Variants in PRR5L observed in about 807,000 individuals in gnomAD.
PRR5L encodes the protein proline-rich protein 5-like.
PRR5L carries 21 observed loss-of-function variants against 36.4 expected under a neutral mutation model. The ratio of observed to expected loss-of-function variants is 0.58; its 90% CI spans 0.41 to 0.83. The LOEUF (loss-of-function observed/expected upper bound fraction) is 0.83. Ranked by LOEUF, PRR5L falls within the 40% of genes least tolerant of loss-of-function variation. The pLI is 0.00. For synonymous variants in PRR5L, 188 were observed against 197.0 expected (o/e 0.95, Z 0.38); for missense variants, 381 against 473.3 (o/e 0.80, Z 1.81).
chr11:36,427,600 A>G (rs142373196), intron 4 of PRR5L, among the ~76,000 whole-genome samples: 42 of 152,342 alleles, frequency 2.8e-4, no homozygotes, highest in Non-Finnish European at 5.1e-4. Flanking sequence ...AAACAATGCA[A>G]GATGGCTGCC....
At chr11:36,312,198 A>G (rs1027623850) in intron 1 of PRR5L, among the ~76,000 whole-genome samples, 1 of 152,184 alleles carries the variant, frequency 6.6e-6, no homozygotes. Context: ...CTACCTAGAC[A>G]TGTAGAGAAA....
intron 1 of PRR5L, among the ~76,000 whole-genome samples, chr11:36,359,334 C>T (rs970725176): frequency 1.3e-5 from 2 of 152,096 alleles, no homozygotes; most frequent in Non-Finnish European, 2.9e-5. Context: ...TCACTTCCTT[C>T]GGTGTTGGAG....
At chr11:36,399,150 A>G (rs1180780930) in intron 1 of PRR5L, among the ~76,000 whole-genome samples, 2 of 117,922 alleles carry the variant, frequency 1.7e-5, no homozygotes, top group African/African-American at 6.4e-5. Flanking sequence ...TTGCAGTGGC[A>G]TTTATGAAGC....
chr11:36,306,355 A>G (rs2133451467), intron 1 of PRR5L, among the ~76,000 whole-genome samples: 1 of 152,156 alleles, frequency 6.6e-6, no homozygotes, highest in East Asian at 1.9e-4. Flanking sequence ...TGTCCTTGTG[A>G]TAGTTTGCTG....
chr11:36,338,305 C>A (rs975495390), intron 1 of PRR5L, among the ~76,000 whole-genome samples: 1 of 152,202 alleles, frequency 6.6e-6, no homozygotes, highest in Non-Finnish European at 1.5e-5. Flanking sequence ...CTCTAAAACA[C>A]ACCTTGTATT....
intron 1 of PRR5L, among the ~76,000 whole-genome samples, chr11:36,336,914 G>A (rs554581408): frequency 7.9e-5 from 12 of 151,918 alleles, no homozygotes; most frequent in African/African-American, 2.2e-4. Flanking sequence ...GAGTTTTGTC[G>A]ACCTCTGTAT....
chr11:36,416,718 C>A (rs751098120), intron 3 of PRR5L, among the ~76,000 whole-genome samples: 2 of 152,150 alleles, frequency 1.3e-5, no homozygotes, highest in South Asian at 4.1e-4. Flanking sequence ...GGACACTCTG[C>A]AGAATTCTGG....
At chr11:36,389,682 G>A (rs1389201715) in intron 1 of PRR5L, among the ~76,000 whole-genome samples, 2 of 147,182 alleles carry the variant, frequency 1.4e-5, no homozygotes, top group Admixed American at 7.0e-5. Context: ...GCACGACCTC[G>A]GCTCACTGCA....
chr11:36,332,091 C>A (rs1322837855), intron 1 of PRR5L, among the ~76,000 whole-genome samples: 2 of 152,114 alleles, frequency 1.3e-5, no homozygotes, highest in South Asian at 2.1e-4. Context: ...TAGACGGGTT[C>A]ATTCTTATTT....
intron 4 of PRR5L, chr11:36,426,264 T>TA (rs1243472441): frequency 6.6e-6 from 1 of 152,274 alleles, no homozygotes; most frequent in Non-Finnish European, 1.5e-5. Context: ...GTCTGGGTTC[T>TA]AATCTTTGTT....
intron 1 of PRR5L, among the ~76,000 whole-genome samples, chr11:36,341,885 G>A (rs1001408277): frequency 6.6e-6 from 1 of 152,180 alleles, no homozygotes; most frequent in Non-Finnish European, 1.5e-5. Flanking sequence ...GAATTAAAGA[G>A]GCAAAGGTGG....
intron 1 of PRR5L, among the ~76,000 whole-genome samples, chr11:36,300,558 T>G (rs1034892104): frequency 7.1e-6 from 1 of 141,062 alleles, no homozygotes; most frequent in African/African-American, 2.5e-5. Context: ...GAGAATTTTA[T>G]TCAAGGCAGA....
intron 6 of PRR5L, among the ~76,000 whole-genome samples, chr11:36,444,960 C>G (rs946013015): frequency 6.6e-6 from 1 of 152,206 alleles, no homozygotes; most frequent in African/African-American, 2.4e-5. Flanking sequence ...ACCAACTGGC[C>G]AACTTTTAAA....
intron 1 of PRR5L, among the ~76,000 whole-genome samples, chr11:36,362,720 TC>T (rs1857104121): frequency 6.6e-6 from 1 of 152,242 alleles, no homozygotes; most frequent in Non-Finnish European, 1.5e-5. Flanking sequence ...TTATGGATTC[TC>T]TGTTATAGCC....
At chr11:36,326,961 A>C (rs539419796) in intron 1 of PRR5L, among the ~76,000 whole-genome samples, 2 of 152,248 alleles carry the variant, frequency 1.3e-5, no homozygotes, top group South Asian at 2.1e-4. Flanking sequence ...AAACCTTTAA[A>C]TCACAAGTTA....
chr11:36,341,733 T>A (rs533735752), intron 1 of PRR5L, among the ~76,000 whole-genome samples: 24 of 152,220 alleles, frequency 1.6e-4, no homozygotes, highest in Non-Finnish European at 2.6e-4. Flanking sequence ...CAGAATTTGC[T>A]AAGAACCCCC....
Position 36,377,705 on chromosome 11 carries a change from T to A in PRR5L, c.-125-23292T>A, listed in dbSNP as rs1857299028. 6.6e-6 allele frequency: 1 copy of A among 152,560 alleles called. No homozygotes were observed. Among genetic ancestry groups the A allele is most frequent in the African/African-American group, 2.4e-5 (1 of 41,482 alleles). 9.5% of individuals were successfully genotyped at this position (152,560 alleles called of 1,614,324 possible). On this transcript the variant is annotated intron_variant, in intron 1 of 8. Transcript: ENST00000530639. The surrounding 1 kb of genome is among the most constrained non-coding windows in gnomAD (Gnocchi z 5.1). ...CCCGCGGTGCCGGGAGCCCGCGTTT[T>A]GTTTGTCAGCAGTTAGGCGGTGAGT...
chr11:36,317,781 T>G (rs193031279), intron 1 of PRR5L, among the ~76,000 whole-genome samples: 7 of 152,328 alleles, frequency 4.6e-5, no homozygotes, highest in Admixed American at 1.3e-4. Context: ...AGTGGGTTAA[T>G]AAGTGTGTGC....
intron 1 of PRR5L, among the ~76,000 whole-genome samples, chr11:36,390,389 T>C (rs1857542476): frequency 6.6e-6 from 1 of 152,130 alleles, no homozygotes; most frequent in South Asian, 2.1e-4. Context: ...AGTGAGCCTG[T>C]GAGGATGGAG....
Sources: allele counts gnomAD v4.1 joint callset (sites outside exome capture counted in the v4.1 genomes callset), GRCh38; gene constraint gnomAD v4.1.1; non-coding constraint Gnocchi (gnomAD v3.1); transcripts MANE v1.5; gene names NCBI Gene and HGNC (gene_info 2026-07-23, HGNC 2026-07-21).